Variants in SLC9A7 observed in about 807,000 individuals in gnomAD.
SLC9A7 encodes sodium/hydrogen exchanger 7.
Under a neutral mutation model 52.6 loss-of-function variants are expected in SLC9A7, and 19 were observed. The ratio of observed to expected loss-of-function variants is 0.36; its 90% CI spans 0.25 to 0.53. SLC9A7 has a LOEUF of 0.53. Among genes scored for constraint, SLC9A7 ranks in the 20% least tolerant of loss-of-function variants. The pLI is 0.91. For missense variants in SLC9A7, 455 were observed against 597.9 expected, an observed-to-expected ratio of 0.76 and a Z score of 2.49; for synonymous variants, 226 against 252.1, an observed-to-expected ratio of 0.90 and a Z score of 0.98.
At chrX:46,737,106 T>C (rs1365027509) in intron 1 of SLC9A7, among the ~76,000 whole-genome samples, 6 of 111,610 alleles carry the variant, frequency 5.4e-5, no homozygotes, top group Non-Finnish European at 9.4e-5. Flanking sequence ...GTAGTCTCAC[T>C]TTCTGTTACT....
At chrX:46,695,975 A>G (rs1382145835) in intron 1 of SLC9A7, among the ~76,000 whole-genome samples, 3 of 94,370 alleles carry the variant, frequency 3.2e-5, no homozygotes, top group Non-Finnish European at 4.1e-5. Context: ...TTATATTTTT[A>G]CTTATTTATT....
At position 46,715,049 on chromosome X, in the gene SLC9A7, C is replaced by T. The variant is rs191559434; in HGVS notation, c.326-32514G>A. On this transcript the variant is annotated intron_variant, in intron 1 of 16. Transcript: ENST00000616978. ...AGCATGTACTATATATCAGACATTGCGCTAGATTAAATTATTCCATCTTGA... is the reference window on the plus strand; with the variant it reads ...AGCATGTACTATATATCAGACATTGTGCTAGATTAAATTATTCCATCTTGA... 2.7e-3 allele frequency among the ~76,000 whole-genome samples: 307 copies of T among 111,865 alleles called. 1 individual carries two copies. The highest frequency in any genetic ancestry group is 9.6e-3 in the Admixed American group (101 of 10,533).
rs1167376319 is a variant in SLC9A7 at position 46,656,011 on chromosome X, G to A, written c.1042-2297C>T. On this transcript the variant is annotated intron_variant, in intron 7 of 16. Coordinates refer to ENST00000616978, the MANE Select transcript of SLC9A7 (RefSeq NM_001257291.2). ...AAGAGAGCAGTGGTTCTCCCAGCACGCAGCTGGAGATCTGAGAACGGGCAG... is the reference window on the plus strand; with the variant it reads ...AAGAGAGCAGTGGTTCTCCCAGCACACAGCTGGAGATCTGAGAACGGGCAG... Among the ~76,000 whole-genome samples, 32 of 107,898 alleles carry A rather than the reference G, an allele frequency of 3.0e-4. No homozygotes were observed. The East Asian group carries it at 3.6e-3, about 12-fold the overall frequency. The allele number at this position is 107,898 out of a possible 115,157, so 93.7% of individuals were successfully genotyped here.
intron 1 of SLC9A7, among the ~76,000 whole-genome samples, chrX:46,696,134 C>T (rs1944446692): frequency 9.1e-6 from 1 of 109,902 alleles, no homozygotes; most frequent in Non-Finnish European, 1.9e-5. Flanking sequence ...TACAGGCGCC[C>T]GCCACCACGG....
At chrX:46,740,163 AGT>A (rs1921235908) in intron 1 of SLC9A7, among the ~76,000 whole-genome samples, 2 of 112,175 alleles carry the variant, frequency 1.8e-5, no homozygotes, top group East Asian at 2.8e-4. Context: ...CAAAGGACAG[AGT>A]GTATGTATAT....
rs1329549267 is a variant in SLC9A7 at position 46,682,545 on chromosome X, T to C, written c.326-10A>G. 8.3e-7 allele frequency: 1 copy of C among 1,198,288 alleles called. No homozygotes were observed. Among genetic ancestry groups the C allele is most frequent in the African/African-American group, 1.8e-5 (1 of 56,319 alleles). ...ACCCCAACGATGAGCCCTGAAAGAG[T>C]GGAAAAAAACTCATCAGGCCTGAGG... is the stretch of plus-strand genomic sequence containing the variant. On this transcript the variant is annotated splice_polypyrimidine_tract_variant and intron_variant, in intron 1 of 16. Transcript: ENST00000616978.
intron 1 of SLC9A7, among the ~76,000 whole-genome samples, chrX:46,709,304 G>A (rs1175470961): frequency 2.7e-5 from 3 of 110,990 alleles, no homozygotes; most frequent in Non-Finnish European, 5.7e-5. Context: ...CTACTCAGGA[G>A]GCTGAAGTGG....
chrX:46,623,299 A>G (rs189567811), intron 14 of SLC9A7, among the ~76,000 whole-genome samples: 1 of 111,163 alleles, frequency 9.0e-6, no homozygotes, highest in Non-Finnish European at 1.9e-5. Flanking sequence ...CGACTCTTGG[A>G]TTTTCCACTC....
intron 5 of SLC9A7, among the ~76,000 whole-genome samples, chrX:46,666,643 C>G (rs1225966186): frequency 2.7e-5 from 3 of 111,942 alleles, no homozygotes; most frequent in Non-Finnish European, 5.6e-5. Flanking sequence ...ATGGTAATGC[C>G]TTCCATTATT....
intron 10 of SLC9A7, among the ~76,000 whole-genome samples, chrX:46,649,146 AC>A (rs1171451666): frequency 8.9e-6 from 1 of 111,822 alleles, no homozygotes; most frequent in Non-Finnish European, 1.9e-5. Flanking sequence ...AAGCTAAAGT[AC>A]CACAGCAGGA....
At position 46,662,527 on chromosome X, in the gene SLC9A7, C is replaced by T. The variant is rs749944048; in HGVS notation, c.899+11G>A. ...GGGTGTCTCTTCTCCAGCAGAAACACTGCTACTTACGAGGACAGTACAATG... is the reference window on the plus strand; with the variant it reads ...GGGTGTCTCTTCTCCAGCAGAAACATTGCTACTTACGAGGACAGTACAATG... On this transcript the variant is annotated intron_variant, in intron 6 of 16. Coordinates refer to ENST00000616978, the MANE Select transcript of SLC9A7 (RefSeq NM_001257291.2). 2.6e-6 allele frequency: 3 copies of T among 1,174,767 alleles called. No homozygotes were observed. The Admixed American group carries it at 6.6e-5, about 26-fold the overall frequency.
At chrX:46,644,271 T>C (rs1421161032) in intron 11 of SLC9A7, among the ~76,000 whole-genome samples, 4 of 112,205 alleles carry the variant, frequency 3.6e-5, no homozygotes, top group East Asian at 2.8e-4. Flanking sequence ...ATCAGTTTAA[T>C]GTTTTGGAGT....
intron 1 of SLC9A7, among the ~76,000 whole-genome samples, chrX:46,705,189 C>A (rs1475470771): frequency 9.0e-6 from 1 of 111,470 alleles, no homozygotes; most frequent in Non-Finnish European, 1.9e-5. Context: ...GACCAAATGT[C>A]AAGCAGGGAG....
At chrX:46,647,266 C>T in intron 11 of SLC9A7, 1 of 176,789 alleles carries the variant, frequency 5.7e-6, no homozygotes, top group Non-Finnish European at 1.1e-5. Context: ...CTTCCAGCCA[C>T]TGAAGCAGTT....
At chrX:46,672,743 T>A in intron 3 of SLC9A7, 116 bp from the exon 4 acceptor site, 1 of 511,182 alleles carries the variant, frequency 2.0e-6, no homozygotes, top group Non-Finnish European at 3.3e-6. Flanking sequence ...TTCCATTACA[T>A]CAAGTAACAA....
intron 6 of SLC9A7, 125 bp downstream of exon 6, chrX:46,662,413 G>C: frequency 1.8e-6 from 1 of 555,815 alleles, no homozygotes; most frequent in Non-Finnish European, 2.9e-6. Context: ...CCACAAAGCT[G>C]ATAAATCTCA....
At chrX:46,725,037 T>C in intron 1 of SLC9A7, 1 of 435,185 alleles carries the variant, frequency 2.3e-6, no homozygotes. Flanking sequence ...TAATTAAACT[T>C]TCCTTCAAAG....
intron 5 of SLC9A7, among the ~76,000 whole-genome samples, chrX:46,668,366 G>A (rs778891525): frequency 9.0e-6 from 1 of 111,347 alleles, no homozygotes; most frequent in African/African-American, 3.3e-5. Context: ...AAAAAAATTA[G>A]CCGGGCATGG....
chrX:46,754,692 G>A (rs1300482628), intron 1 of SLC9A7, among the ~76,000 whole-genome samples: 2 of 111,067 alleles, frequency 1.8e-5, no homozygotes, highest in Non-Finnish European at 3.8e-5. Context: ...GTGATGGGGT[G>A]GTGGAGGAGG....
Sources: gnomAD v4.1 joint callset for allele counts (sites outside exome capture counted in the v4.1 genomes callset) on GRCh38, gnomAD v4.1.1 for gene constraint, MANE v1.5 for transcripts, NCBI Gene and HGNC (gene_info 2026-07-23, HGNC 2026-07-21) for gene names.